TNFRSF10B: variants seen among roughly 807,000 people sequenced by gnomAD.
TNFRSF10B encodes tumor necrosis factor receptor superfamily member 10B.
A neutral mutation model predicts 41.4 loss-of-function variants in TNFRSF10B; 35 were observed. That is an observed-to-expected ratio of 0.85 (90% CI 0.65 to 1.12). The LOEUF (loss-of-function observed/expected upper bound fraction) is 1.12, where lower values mean the gene tolerates loss of function less well. Ranked by LOEUF, TNFRSF10B falls within the 50% of genes most tolerant of loss-of-function variation. The probability of loss-of-function intolerance (pLI) is 0.00; values close to 1 mark genes in which losing one functional copy is unlikely to be tolerated. For missense variants in TNFRSF10B, 584 were observed against 552.7 expected (o/e 1.06, Z -0.57); for synonymous variants, 230 against 215.5 (o/e 1.07, Z -0.59).
intron 1 of TNFRSF10B, among the ~76,000 whole-genome samples, chr8:23,062,376 G>C (rs558534664): frequency 6.6e-6 from 1 of 151,816 alleles, no homozygotes; most frequent in African/African-American, 2.4e-5. Flanking sequence ...GTGCTCCCCC[G>C]GGCCAGGCTG....
chr8:23,042,298 G>C, intron 2 of TNFRSF10B, among the ~76,000 whole-genome samples: 1 of 152,210 alleles, frequency 6.6e-6, no homozygotes, highest in Non-Finnish European at 1.5e-5. Context: ...GTGGCCCTTA[G>C]TCATGGAAAA....
chr8:23,043,003 G>A (rs1812250137), intron 2 of TNFRSF10B, 135 bp downstream of exon 2: 3 of 746,442 alleles, frequency 4.0e-6, no homozygotes, highest in Non-Finnish European at 6.8e-6. Context: ...GGCTCCAGAA[G>A]GACAGAGCCT....
chr8:23,022,644 G>A lies in TNFRSF10B; in HGVS notation c.*27C>T. On this transcript the variant is annotated 3_prime_UTR_variant, in exon 9 of 9. Transcript: ENST00000276431. ...TCCAGAAAAAAGGTAAACCAGGGAA[G>A]GTCTGACTTCCTGAAGAGAATCACA... The A allele has an allele frequency of 6.2e-7, 1 of 1,613,550 alleles. No homozygotes were observed. The highest frequency in any genetic ancestry group is 8.5e-7 in the Non-Finnish European group (1 of 1,179,712).
rs897667893 is a variant in TNFRSF10B, at chr8:23,050,349, T to C, written c.145-7106A>G. 2.6e-5 allele frequency among the ~76,000 whole-genome samples: 4 copies of C among 152,210 alleles called. 1 individual carries two copies. The highest frequency in any genetic ancestry group is 2.6e-4 in the Admixed American group (4 of 15,284). The stretch of plus-strand genomic sequence containing the variant: ...CATGTAAACTTGAAAATGGGAAGTA[T>C]TGGGTCCATCTCTGCTGAGAGGCCT... On this transcript the variant is annotated intron_variant, in intron 1 of 8. Transcript: ENST00000276431.
chr8:23,023,325 T>C (rs1184077086), intron 8 of TNFRSF10B, among the ~76,000 whole-genome samples: 1 of 151,926 alleles, frequency 6.6e-6, no homozygotes, highest in African/African-American at 2.4e-5. Context: ...AGCGGGAGCT[T>C]AGAGGAGGGA....
chr8:23,031,563 G>A (rs906825324), intron 2 of TNFRSF10B, among the ~76,000 whole-genome samples: 1 of 151,686 alleles, frequency 6.6e-6, no homozygotes, highest in South Asian at 2.1e-4. Context: ...AATTTTTAGT[G>A]TACTTTTTTT....
intron 2 of TNFRSF10B, among the ~76,000 whole-genome samples, chr8:23,034,641 T>A: frequency 6.6e-6 from 1 of 152,198 alleles, no homozygotes; most frequent in East Asian, 1.9e-4. Flanking sequence ...GCAGGAGGAT[T>A]GCCTGAGCCC....
At chr8:23,047,723 T>C (rs779577062) in intron 1 of TNFRSF10B, among the ~76,000 whole-genome samples, 1 of 152,126 alleles carries the variant, frequency 6.6e-6, no homozygotes, top group Non-Finnish European at 1.5e-5. Context: ...GGTGAGGATA[T>C]GGAGAAAAGG....
At position 23,028,359 on chromosome 8, in the gene TNFRSF10B, G is replaced by C. The variant is rs1216792210; in HGVS notation, c.720C>G (p.Val240=). 20 of 1,614,120 alleles carry C rather than the reference G, an allele frequency of 1.2e-5. No homozygotes were observed. Among genetic ancestry groups the C allele is most frequent in the Non-Finnish European group, 1.7e-5 (20 of 1,180,012 alleles). ...FVCKSLLWKK[V]LPYLKGICSG... The stretch of plus-strand genomic sequence containing the variant: ...AGCAGATGCCTTTCAGGTAAGGAAG[G>C]ACTTTCTTCCACAGTAAAGACTTGC... Residue 240 remains valine (V), a synonymous_variant, in exon 5 of 9, where the codon GTC becomes GTG. Coordinates refer to ENST00000276431, the MANE Select transcript of TNFRSF10B (RefSeq NM_003842.5).
chr8:23,048,514 A>AAT, intron 1 of TNFRSF10B, among the ~76,000 whole-genome samples: 1 of 151,530 alleles, frequency 6.6e-6, no homozygotes, highest in Non-Finnish European at 1.5e-5. Flanking sequence ...GGCACGGGGG[A>AAT]ATGGGGAGAT....
In TNFRSF10B at chr8:23,030,763, A is replaced by C. The variant is rs748767310; in HGVS notation, c.360T>G (p.Asp120Glu). ...TGGGGTCCATATGTTCTGTACCTGA[A>C]TCACACCTGGTGCAGCGCAAGCAGA... Reference protein sequence around the residue: ...LLFCLRCTRCDSGEVELSPCT... With the variant: ...LLFCLRCTRCESGEVELSPCT... Residue 120 changes from aspartate to glutamate, a missense_variant, in exon 3 of 9, where the codon GAT (aspartate) becomes GAG (glutamate). Physicochemically the swap from Asp to Glu is conservative, Grantham distance 45. Coordinates refer to ENST00000276431, the MANE Select transcript of TNFRSF10B (RefSeq NM_003842.5). 4 of 1,611,530 alleles carry C rather than the reference A, an allele frequency of 2.5e-6. No individual in the cohort carries two copies. The highest frequency in any genetic ancestry group is 3.4e-6 in the Non-Finnish European group (4 of 1,178,582).
At position 23,020,299 on chromosome 8, in the gene TNFRSF10B, G is replaced by A; in HGVS notation, c.*2372C>T. 2 of 454,070 alleles carry A rather than the reference G, an allele frequency of 4.4e-6. No homozygotes were observed. The highest frequency in any genetic ancestry group is 3.1e-5 in the South Asian group (2 of 64,478). The allele number at this position is 454,070 out of a possible 1,614,324, so 28.1% of individuals were successfully genotyped here. A position where few individuals can be genotyped will look rare whatever the true frequency, so the allele number is the denominator to read the frequency against. ...ACCACGAGTGACACACTATACTATG[G>A]CTGTCCTGTGTCACATGCTATTTGG... On this transcript the variant is annotated 3_prime_UTR_variant, in exon 9 of 9. Coordinates refer to ENST00000276431, the MANE Select transcript of TNFRSF10B (RefSeq NM_003842.5).
At chr8:23,023,911 G>A (rs1433433167) in intron 8 of TNFRSF10B, among the ~76,000 whole-genome samples, 3 of 152,166 alleles carry the variant, frequency 2.0e-5, no homozygotes, top group African/African-American at 4.8e-5. Flanking sequence ...GTCCTCAGGG[G>A]CAGGCGGGGG....
intron 2 of TNFRSF10B, among the ~76,000 whole-genome samples, chr8:23,038,428 G>A (rs1352833005): frequency 2.0e-5 from 3 of 152,172 alleles, no homozygotes; most frequent in African/African-American, 7.2e-5. Context: ...ATGGAAATAA[G>A]GACTGTAATC....
Position 23,030,829 on chromosome 8 carries a change from T to C in TNFRSF10B, c.294A>G (p.Lys98=), listed in dbSNP as rs1209443096. 6 of 1,612,894 alleles carry C rather than the reference T, an allele frequency of 3.7e-6. No homozygotes were observed. The highest frequency in any genetic ancestry group is 4.2e-6 in the Non-Finnish European group (5 of 1,179,616). The part of the protein sequence containing the change: ...SEDGRDCISC[K]YGQDYSTHWN... The stretch of plus-strand genomic sequence containing the variant: ...AGTGAGTGCTATAGTCCTGTCCATA[T>C]TTGCAGGAGATGCAATCTCTACCGT... Residue 98 remains lysine, a synonymous_variant, in exon 3 of 9, where the codon AAA becomes AAG. Transcript: ENST00000276431.
At chr8:23,045,969 A>C (rs1812346872) in intron 1 of TNFRSF10B, among the ~76,000 whole-genome samples, 1 of 152,256 alleles carries the variant, frequency 6.6e-6, no homozygotes, top group South Asian at 2.1e-4. Context: ...ACAAGCTTAC[A>C]GCTAATATCA....
intron 1 of TNFRSF10B, among the ~76,000 whole-genome samples, chr8:23,062,345 C>T (rs145800493): frequency 1.1e-4 from 16 of 152,240 alleles, no homozygotes; most frequent in African/African-American, 3.4e-4. Flanking sequence ...CTCAGCCTCC[C>T]GAGTAACTGG....
intron 8 of TNFRSF10B, 46 bp downstream of exon 8, chr8:23,024,142 C>T: frequency 6.2e-7 from 1 of 1,612,290 alleles, no homozygotes. Flanking sequence ...GGACCCTGTC[C>T]CTATTCCCTC....
chr8:23,028,182 G>A lies in TNFRSF10B; in HGVS notation c.748+149C>T, dbSNP rs1176269238. The A allele has an allele frequency of 1.7e-5, 18 of 1,047,794 alleles. No individual in the cohort carries two copies. In the East Asian group the frequency reaches 3.5e-4, roughly 20 times the overall value. The allele number at this position is 1,047,794 out of a possible 1,614,324, so 64.9% of individuals were successfully genotyped here. ...GGGTCCTGGGGGGTGCACGGGATGTGGGGATGGGGGTGACCACGAGGAGGA... is the reference window on the plus strand; with the variant it reads ...GGGTCCTGGGGGGTGCACGGGATGTAGGGATGGGGGTGACCACGAGGAGGA... On this transcript the variant is annotated intron_variant, in intron 5 of 8. Transcript: ENST00000276431.
Sources: allele counts gnomAD v4.1 joint callset (sites outside exome capture counted in the v4.1 genomes callset), GRCh38; gene constraint gnomAD v4.1.1; transcripts MANE v1.5; gene names NCBI Gene and HGNC (gene_info 2026-07-23, HGNC 2026-07-21).